The following GALNTL6 variants were observed in gnomAD, a reference collection of about 807,000 sequenced individuals.
The protein encoded by GALNTL6 is polypeptide N-acetylgalactosaminyltransferase like 6.
GALNTL6 carries 46 observed loss-of-function variants against 73.7 expected under a neutral mutation model. That is an observed-to-expected ratio of 0.62 (90% CI 0.49 to 0.80). GALNTL6 has a LOEUF of 0.80. Among genes scored for constraint, GALNTL6 ranks in the 30% least tolerant of loss-of-function variants. The pLI, the probability that GALNTL6 is intolerant of heterozygous loss-of-function variation, is 0.00. For synonymous variants in GALNTL6, 259 were observed against 263.7 expected (o/e 0.98, Z 0.17); for missense variants, 604 against 755.0 (o/e 0.80, Z 2.34).
intron 2 of GALNTL6, among the ~76,000 whole-genome samples, chr4:172,061,357 T>C (rs1731194395): frequency 6.6e-6 from 1 of 152,192 alleles, no homozygotes; most frequent in Admixed American, 6.5e-5. Context: ...GATGCTTCAC[T>C]GTCTAGTCCT....
At chr4:172,291,936 T>A (rs1355970687) in intron 3 of GALNTL6, among the ~76,000 whole-genome samples, 1 of 152,180 alleles carries the variant, frequency 6.6e-6, no homozygotes, top group African/African-American at 2.4e-5. Flanking sequence ...TAGTTAGGGA[T>A]GATTTCTAAA....
At chr4:172,737,113 G>A (rs6827154) in intron 5 of GALNTL6, among the ~76,000 whole-genome samples, 22,266 of 152,090 alleles carry the variant, frequency 0.15, 1,897 homozygotes, top group East Asian at 0.25. Context: ...GAATCTGTTC[G>A]GTGTTTAAGA....
intron 5 of GALNTL6, among the ~76,000 whole-genome samples, chr4:172,482,838 C>T (rs1733538344): frequency 6.6e-6 from 1 of 152,020 alleles, no homozygotes; most frequent in African/African-American, 2.4e-5. Flanking sequence ...GCAAAGTACC[C>T]AGCACAAAGT....
At chr4:172,520,197 G>A (rs1430537008) in intron 5 of GALNTL6, among the ~76,000 whole-genome samples, 4 of 151,652 alleles carry the variant, frequency 2.6e-5, no homozygotes, top group Admixed American at 6.6e-5. Flanking sequence ...AGTTAATGTC[G>A]GTGTCAATAC....
At chr4:172,709,681 C>T (rs1476197779) in intron 5 of GALNTL6, among the ~76,000 whole-genome samples, 1 of 151,942 alleles carries the variant, frequency 6.6e-6, no homozygotes, top group Non-Finnish European at 1.5e-5. Flanking sequence ...TAAAGCAGGG[C>T]CCTAAATGAT....
chr4:172,598,982 G>C lies in GALNTL6; in HGVS notation c.554-210379G>C, dbSNP rs559555522. Among the ~76,000 whole-genome samples, 6 of 152,208 alleles carry C rather than the reference G, an allele frequency of 3.9e-5. No homozygotes were observed. The South Asian group carries it at 1.0e-3, about 26-fold the overall frequency. ...ATCATAGTAAGATTATGGAGGAAAC[G>C]AGTCTTTCCTTCATAAAGTAGGAGA... On this transcript the variant is annotated intron_variant, in intron 5 of 12. Coordinates refer to ENST00000506823, the MANE Select transcript of GALNTL6 (RefSeq NM_001034845.3).
chr4:172,213,815 C>T (rs1302020638), intron 2 of GALNTL6, among the ~76,000 whole-genome samples: 2 of 152,024 alleles, frequency 1.3e-5, no homozygotes, highest in African/African-American at 2.4e-5. Flanking sequence ...ACTTACATAG[C>T]AATATTTTCT....
chr4:172,886,589 C>A (rs1745732797), intron 8 of GALNTL6, among the ~76,000 whole-genome samples: 2 of 152,142 alleles, frequency 1.3e-5, no homozygotes, highest in Admixed American at 1.3e-4. Flanking sequence ...CATGGTGAAA[C>A]CCTGTCTCTA....
At chr4:172,839,436 C>T (rs1579550349) in intron 7 of GALNTL6, among the ~76,000 whole-genome samples, 1 of 152,152 alleles carries the variant, frequency 6.6e-6, no homozygotes, top group East Asian at 1.9e-4. Flanking sequence ...ATAAAAATTC[C>T]CTTAATGTTC....
At chr4:172,073,207 C>T (rs1217921077) in intron 2 of GALNTL6, among the ~76,000 whole-genome samples, 6 of 152,136 alleles carry the variant, frequency 3.9e-5, no homozygotes, top group Non-Finnish European at 7.3e-5. Flanking sequence ...CTGAGACTCA[C>T]AGACATTCTC....
At chr4:171,943,202 A>C (rs1738601174) in intron 2 of GALNTL6, among the ~76,000 whole-genome samples, 1 of 152,230 alleles carries the variant, frequency 6.6e-6, no homozygotes, top group Non-Finnish European at 1.5e-5. Flanking sequence ...ATAAGTTCTT[A>C]TGATAGAAAA....
intron 2 of GALNTL6, among the ~76,000 whole-genome samples, chr4:171,901,120 G>A (rs1264322154): frequency 4.6e-5 from 7 of 152,160 alleles, no homozygotes; most frequent in Non-Finnish European, 1.0e-4. Context: ...ATTTGGAGTA[G>A]CAGTGATCAT....
At chr4:172,711,032 C>G (rs1232235455) in intron 5 of GALNTL6, among the ~76,000 whole-genome samples, 1 of 152,098 alleles carries the variant, frequency 6.6e-6, no homozygotes, top group African/African-American at 2.4e-5. Context: ...AGAGAGAGAG[C>G]AAGACCCTTC....
chr4:171,841,284 A>T (rs1735233571), intron 2 of GALNTL6, among the ~76,000 whole-genome samples: 1 of 152,212 alleles, frequency 6.6e-6, no homozygotes, highest in Admixed American at 6.6e-5. Flanking sequence ...GTGAAAAAAG[A>T]AAACATAAAT....
At chr4:172,405,307 T>C (rs1446396993) in intron 5 of GALNTL6, among the ~76,000 whole-genome samples, 1 of 148,006 alleles carries the variant, frequency 6.8e-6, no homozygotes, top group Non-Finnish European at 1.5e-5. Context: ...TCAACATATA[T>C]ACTTAATACT....
chr4:171,913,344 T>C (rs1737526133), intron 2 of GALNTL6, among the ~76,000 whole-genome samples: 1 of 152,230 alleles, frequency 6.6e-6, no homozygotes, highest in Non-Finnish European at 1.5e-5. Context: ...TAAATATGTA[T>C]TGCAATTATT....
chr4:172,604,273 A>C (rs1180590785), intron 5 of GALNTL6, among the ~76,000 whole-genome samples: 1 of 152,204 alleles, frequency 6.6e-6, no homozygotes, highest in African/African-American at 2.4e-5. Flanking sequence ...TGTACTTATG[A>C]GTATATATTA....
rs1212706952 is a variant in GALNTL6, at chr4:172,487,300, GTCTTTCTTTCTTTCTTTCTTTCTT to G, written c.553+138646_553+138669del. Reference sequence around the variant, plus strand: ...TTTCTTTCTTTCCTTCTTTCCTTCTGTCTTTCTTTCTTTCTTTCTTTCTTTCTTTCTTTCTTTCTTTCTTTCTTT... The same window carrying G: ...TTTCTTTCTTTCCTTCTTTCCTTCTGTCTTTCTTTCTTTCTTTCTTTCTTT... On this transcript the variant is annotated intron_variant, in intron 5 of 12. Transcript: ENST00000506823. Among the ~76,000 whole-genome samples the G allele has an allele frequency of 3.6e-3, 424 of 118,436 alleles. 4 individuals are homozygous for G. Among genetic ancestry groups the G allele is most frequent in the Non-Finnish European group, 4.6e-3 (264 of 56,860 alleles). 77.7% of individuals were successfully genotyped at this position (118,436 alleles called of 152,430 possible).
intron 2 of GALNTL6, among the ~76,000 whole-genome samples, chr4:171,899,320 C>T (rs1027058306): frequency 4.6e-5 from 7 of 152,014 alleles, no homozygotes; most frequent in Non-Finnish European, 8.8e-5. Context: ...CAAAGTATTT[C>T]AGTCTTCCTG....
Sources: gnomAD v4.1 joint callset for allele counts (sites outside exome capture counted in the v4.1 genomes callset) on GRCh38, gnomAD v4.1.1 for gene constraint, MANE v1.5 for transcripts, NCBI Gene and HGNC (gene_info 2026-07-23, HGNC 2026-07-21) for gene names.